Variants in PTPN14 observed in about 807,000 individuals in gnomAD.
PTPN14 encodes tyrosine-protein phosphatase non-receptor type 14.
Under a neutral mutation model 126.8 loss-of-function variants are expected in PTPN14, and 53 were observed. The observed-to-expected ratio is 0.42, with a 90% CI of 0.34 to 0.53. PTPN14 has a LOEUF of 0.53. Among genes scored for constraint, PTPN14 ranks in the 20% least tolerant of loss-of-function variants. The probability of loss-of-function intolerance (pLI) is 0.08; values close to 1 mark genes in which losing one functional copy is unlikely to be tolerated. For missense variants in PTPN14, 1,257 were observed against 1,552.9 expected, an observed-to-expected ratio of 0.81 and a Z score of 3.20; for synonymous variants, 630 against 599.3, an observed-to-expected ratio of 1.05 and a Z score of -0.75.
chr1:214,515,064 T>A (rs1655067167), intron 1 of PTPN14, among the ~76,000 whole-genome samples: 1 of 152,146 alleles, frequency 6.6e-6, no homozygotes, highest in Admixed American at 6.5e-5. Context: ...TCCTATTACA[T>A]CTTCTAAATA....
intron 1 of PTPN14, among the ~76,000 whole-genome samples, chr1:214,535,817 C>T (rs1196606768): frequency 6.6e-6 from 1 of 151,780 alleles, no homozygotes; most frequent in African/African-American, 2.4e-5. Context: ...AATCCACTTC[C>T]TTGTCATCAA....
At chr1:214,429,947 T>G (rs1043802440) in intron 3 of PTPN14, among the ~76,000 whole-genome samples, 1 of 152,222 alleles carries the variant, frequency 6.6e-6, no homozygotes, top group South Asian at 2.1e-4. Flanking sequence ...CTCATCAGAT[T>G]AAAATTCTAA....
intron 17 of PTPN14, among the ~76,000 whole-genome samples, chr1:214,366,472 C>A (rs998821476): frequency 1.3e-5 from 2 of 152,152 alleles, no homozygotes; most frequent in African/African-American, 4.8e-5. Flanking sequence ...AAGGTGGATT[C>A]AAAGGATGTT....
intron 15 of PTPN14, among the ~76,000 whole-genome samples, chr1:214,373,512 C>A (rs1329898196): frequency 6.6e-6 from 1 of 150,628 alleles, no homozygotes; most frequent in African/African-American, 2.5e-5. Flanking sequence ...GTGCAATGTA[C>A]TCTAACACTT....
chr1:214,378,246 C>A (rs923536452), intron 13 of PTPN14, 144 bp from the exon 14 acceptor site: 5 of 1,083,546 alleles, frequency 4.6e-6, no homozygotes, highest in Non-Finnish European at 6.4e-6. Flanking sequence ...CACAGCCTTC[C>A]CACTATTCCC....
At chr1:214,420,986 A>C (rs1024205420) in intron 3 of PTPN14, among the ~76,000 whole-genome samples, 37 of 152,238 alleles carry the variant, frequency 2.4e-4, no homozygotes, top group African/African-American at 8.7e-4. Context: ...ATGACTTGGG[A>C]AAGTTTTTCA....
At chr1:214,524,312 T>C (rs1176596362) in intron 1 of PTPN14, among the ~76,000 whole-genome samples, 2 of 152,070 alleles carry the variant, frequency 1.3e-5, no homozygotes, top group South Asian at 2.1e-4. Context: ...TACTTCTATA[T>C]GAAGTGGGCC....
chr1:214,529,479 A>G (rs907532602), intron 1 of PTPN14: 1 of 152,290 alleles, frequency 6.6e-6, no homozygotes. Context: ...AACTGAGTAC[A>G]CTAGCAAAAT....
At chr1:214,466,996 C>G (rs1006360861) in intron 1 of PTPN14, among the ~76,000 whole-genome samples, 1 of 152,162 alleles carries the variant, frequency 6.6e-6, no homozygotes, top group African/African-American at 2.4e-5. Context: ...GGGCACATTC[C>G]TTAACATGAC....
intron 17 of PTPN14, among the ~76,000 whole-genome samples, chr1:214,368,752 G>T (rs1055335116): frequency 6.6e-6 from 1 of 152,124 alleles, no homozygotes; most frequent in Non-Finnish European, 1.5e-5. Context: ...GGAGGCTGAT[G>T]CGGGCAGATC....
At chr1:214,510,823 T>A (rs181121370) in intron 1 of PTPN14, among the ~76,000 whole-genome samples, 2 of 152,350 alleles carry the variant, frequency 1.3e-5, no homozygotes, top group East Asian at 3.9e-4. Flanking sequence ...TCCTCCAAGA[T>A]CTGGCTTAAA....
At chr1:214,543,190 G>A (rs929783897) in intron 1 of PTPN14, among the ~76,000 whole-genome samples, 1 of 152,026 alleles carries the variant, frequency 6.6e-6, no homozygotes, top group African/African-American at 2.4e-5. Context: ...TGCATAGGAC[G>A]GAAACTAAGC....
intron 3 of PTPN14, among the ~76,000 whole-genome samples, chr1:214,422,716 T>C (rs1659569958): frequency 6.6e-6 from 1 of 152,192 alleles, no homozygotes; most frequent in African/African-American, 2.4e-5. Context: ...ATTACTGATA[T>C]GCCTGGTCTG....
intron 2 of PTPN14, 25 bp downstream of exon 2, chr1:214,464,605 G>A: frequency 6.2e-7 from 1 of 1,610,920 alleles, no homozygotes; most frequent in East Asian, 2.2e-5. Flanking sequence ...ACGCGCACAT[G>A]CGCACACAGA....
Position 214,349,045 on chromosome 1 carries a change from A to G in PTPN14, c.*8877T>C, listed in dbSNP as rs925943545. On this transcript the variant is annotated 3_prime_UTR_variant, in exon 19 of 19. Transcript: ENST00000366956. ...ATTAAATTGATAGGGAGTCTATACC[A>G]AAGTACAGTTGACATGAATAGTGAT... 1 of 152,226 alleles carries G rather than the reference A, an allele frequency of 6.6e-6. No individual in the cohort carries two copies. Among genetic ancestry groups the G allele is most frequent in the Non-Finnish European group, 1.5e-5 (1 of 68,036 alleles). 9.4% of individuals were successfully genotyped at this position (152,226 alleles called of 1,614,324 possible). A position where few individuals can be genotyped will look rare whatever the true frequency, so the allele number is the denominator to read the frequency against.
intron 1 of PTPN14, among the ~76,000 whole-genome samples, chr1:214,485,304 C>T (rs565017845): frequency 6.6e-6 from 1 of 152,318 alleles, no homozygotes; most frequent in East Asian, 1.9e-4. Flanking sequence ...AGACAAAAAG[C>T]ACCGTGAAGC....
At chr1:214,547,991 C>T (rs1656014170) in intron 1 of PTPN14, among the ~76,000 whole-genome samples, 1 of 151,870 alleles carries the variant, frequency 6.6e-6, no homozygotes, top group Non-Finnish European at 1.5e-5. Flanking sequence ...AAAAATCACA[C>T]ACAAAGAGCA....
chr1:214,455,018 C>T (rs1411380762), intron 2 of PTPN14, among the ~76,000 whole-genome samples: 1 of 152,176 alleles, frequency 6.6e-6, no homozygotes, highest in African/African-American at 2.4e-5. Flanking sequence ...CACCCTACTC[C>T]TCCCGTTCTT....
chr1:214,461,494 A>G (rs1660511636), intron 2 of PTPN14, among the ~76,000 whole-genome samples: 1 of 152,060 alleles, frequency 6.6e-6, no homozygotes. Context: ...TTTGCTGGGC[A>G]TGTTGGCATG....
Sources: gnomAD v4.1 joint callset for allele counts (sites outside exome capture counted in the v4.1 genomes callset) on GRCh38, gnomAD v4.1.1 for gene constraint, MANE v1.5 for transcripts, NCBI Gene and HGNC (gene_info 2026-07-23, HGNC 2026-07-21) for gene names.